The following QKI variants were observed in gnomAD, a reference collection of about 807,000 sequenced individuals.
QKI encodes KH domain-containing RNA-binding protein QKI.
Under a neutral mutation model 39.0 loss-of-function variants are expected in QKI, and 10 were observed. The ratio of observed to expected loss-of-function variants is 0.26; its 90% CI spans 0.16 to 0.43. The LOEUF is 0.43. QKI is among the 20% of genes least tolerant of loss of function. The pLI is 1.00. For synonymous variants in QKI, 204 were observed against 155.4 expected (o/e 1.31, Z -2.33); for missense variants, 218 against 428.0 (o/e 0.51, Z 4.33).
At chr6:163,440,130 A>G (rs893772076) in intron 1 of QKI, among the ~76,000 whole-genome samples, 2 of 152,062 alleles carry the variant, frequency 1.3e-5, no homozygotes, top group Non-Finnish European at 1.5e-5. Flanking sequence ...ATTTCTACTC[A>G]CTGCCCCATC....
At position 163,490,630 on chromosome 6, in the gene QKI, A is replaced by G. The variant is rs1777992110; in HGVS notation, c.402+11734A>G. Among the ~76,000 whole-genome samples, 3 of 152,118 alleles carry G rather than the reference A, an allele frequency of 2.0e-5. 1 individual carries two copies. In the South Asian group the frequency reaches 6.2e-4, roughly 31 times the overall value. On this transcript the variant is annotated intron_variant, in intron 3 of 7. Coordinates refer to ENST00000361752, the MANE Select transcript of QKI (RefSeq NM_006775.3). ...GCACAGTGGAGTGTTGGTATTGGAG[A>G]TAAGGCTGAGGTCTGAGGATAAAGG...
In QKI at chr6:163,441,014, A is replaced by T. The variant is rs569555082; in HGVS notation, c.143-14265A>T. On this transcript the variant is annotated intron_variant, in intron 1 of 7. Coordinates refer to ENST00000361752, the MANE Select transcript of QKI (RefSeq NM_006775.3). ...ATATACTTTGAGTACAGGGTTAATT[A>T]GGACTGTGCAGGCTATGAATATAGG... Among the ~76,000 whole-genome samples the T allele has an allele frequency of 3.3e-5, 5 of 152,284 alleles. No individual in the cohort carries two copies. The South Asian group carries it at 1.0e-3, about 32-fold the overall frequency.
At chr6:163,488,981 T>A (rs1279579022) in intron 3 of QKI, among the ~76,000 whole-genome samples, 2 of 150,682 alleles carry the variant, frequency 1.3e-5, no homozygotes, top group Non-Finnish European at 3.0e-5. Flanking sequence ...TTCTTTTTTT[T>A]TTTTTTTTTA....
At chr6:163,540,690 C>A (rs1441888504) in intron 4 of QKI, among the ~76,000 whole-genome samples, 1 of 152,022 alleles carries the variant, frequency 6.6e-6, no homozygotes, top group African/African-American at 2.4e-5. Flanking sequence ...AATATTTTAC[C>A]TGGAGAACAT....
chr6:163,494,795 CTG>C (rs772873295), intron 3 of QKI, among the ~76,000 whole-genome samples: 2 of 152,106 alleles, frequency 1.3e-5, no homozygotes, highest in East Asian at 1.9e-4. Context: ...AGCAAGAAGA[CTG>C]TGTGTGATGT....
chr6:163,496,447 A>G (rs1778417183), intron 3 of QKI, among the ~76,000 whole-genome samples: 1 of 152,166 alleles, frequency 6.6e-6, no homozygotes, highest in Admixed American at 6.5e-5. Context: ...GCCCCAAGAT[A>G]TGAACCCAGG....
intron 3 of QKI, among the ~76,000 whole-genome samples, chr6:163,498,116 C>A (rs1328922499): frequency 1.3e-5 from 2 of 148,190 alleles, no homozygotes; most frequent in Admixed American, 1.4e-4. Context: ...ATGTTTTTGT[C>A]CTCCAGTAGT....
Position 163,577,615 on chromosome 6 carries a change from G to C in QKI, c.*6905G>C, listed in dbSNP as rs553699337. 6.6e-6 allele frequency: 1 copy of C among 152,652 alleles called. No individual in the cohort carries two copies. Among genetic ancestry groups the C allele is most frequent in the East Asian group, 1.9e-4 (1 of 5,164 alleles). The allele number at this position is 152,652 out of a possible 1,614,324, so 9.5% of individuals were successfully genotyped here. On this transcript the variant is annotated 3_prime_UTR_variant, in exon 8 of 8. Coordinates refer to ENST00000361752, the MANE Select transcript of QKI (RefSeq NM_006775.3). Reference sequence around the variant, plus strand: ...CCTTCCTGTCTCTAGTGTCACACTTGGGCTGTTGATTTTCTTACTCTTCTC... The same window carrying C: ...CCTTCCTGTCTCTAGTGTCACACTTCGGCTGTTGATTTTCTTACTCTTCTC...
At chr6:163,484,856 A>G (rs1019970372) in intron 3 of QKI, among the ~76,000 whole-genome samples, 7 of 152,346 alleles carry the variant, frequency 4.6e-5, no homozygotes, top group East Asian at 3.9e-4. Flanking sequence ...GAGAATTACC[A>G]AAATGTGGCT....
At chr6:163,477,902 G>C (rs566106675) in intron 2 of QKI, among the ~76,000 whole-genome samples, 9 of 152,278 alleles carry the variant, frequency 5.9e-5, no homozygotes, top group African/African-American at 1.9e-4. Context: ...CAAGAAAAAA[G>C]TAGAAGACCA....
intron 3 of QKI, among the ~76,000 whole-genome samples, chr6:163,519,796 T>C (rs1380336881): frequency 2.6e-5 from 4 of 152,108 alleles, no homozygotes; most frequent in Non-Finnish European, 5.9e-5. Context: ...TTAAGCATTA[T>C]AGTTATTTTA....
intron 4 of QKI, among the ~76,000 whole-genome samples, chr6:163,540,313 G>A (rs2128242757): frequency 6.6e-6 from 1 of 152,136 alleles, no homozygotes; most frequent in African/African-American, 2.4e-5. Context: ...TAAGTATTTT[G>A]TGTTTTTCCA....
At chr6:163,451,928 A>G (rs1435894988) in intron 1 of QKI, among the ~76,000 whole-genome samples, 1 of 152,230 alleles carries the variant, frequency 6.6e-6, no homozygotes, top group Non-Finnish European at 1.5e-5. Flanking sequence ...TCCTCCTGCT[A>G]GGATAACATT....
At chr6:163,556,373 G>T (rs930761208) in intron 4 of QKI, among the ~76,000 whole-genome samples, 3 of 151,778 alleles carry the variant, frequency 2.0e-5, no homozygotes, top group Non-Finnish European at 4.4e-5. Context: ...TTAGCTGGGC[G>T]TAGTGACATA....
chr6:163,454,985 G>A (rs2128219138), intron 1 of QKI, among the ~76,000 whole-genome samples: 1 of 152,318 alleles, frequency 6.6e-6, no homozygotes, highest in East Asian at 1.9e-4. Flanking sequence ...GGAAAAATTA[G>A]ATGAACTAAC....
At chr6:163,556,503 C>CAAAAAAAAAAAAAAAAAA (rs61233361) in intron 4 of QKI, among the ~76,000 whole-genome samples, 1 of 83,086 alleles carries the variant, frequency 1.2e-5, no homozygotes, top group Non-Finnish European at 2.5e-5. Context: ...AATTCCACCT[C>CAAAAAAAAAAAAAAAAAA]AAAAAAAAAA....
intron 4 of QKI, among the ~76,000 whole-genome samples, chr6:163,536,130 G>T (rs1228938552): frequency 6.6e-6 from 1 of 151,250 alleles, no homozygotes; most frequent in Admixed American, 6.6e-5. Flanking sequence ...TAATTCCTTG[G>T]AATAAAAGAG....
At chr6:163,569,240 A>T in intron 7 of QKI, 1 of 969,914 alleles carries the variant, frequency 1.0e-6, no homozygotes, top group Non-Finnish European at 1.2e-6. Context: ...CACATTGAAG[A>T]TACAGTATTT....
At chr6:163,483,745 CT>C (rs983120017) in intron 3 of QKI, among the ~76,000 whole-genome samples, 1 of 152,204 alleles carries the variant, frequency 6.6e-6, no homozygotes, top group Non-Finnish European at 1.5e-5. Flanking sequence ...TTGGAATTAA[CT>C]TTTTCCAGAC....
Sources: gnomAD v4.1 joint callset for allele counts (sites outside exome capture counted in the v4.1 genomes callset) on GRCh38, gnomAD v4.1.1 for gene constraint, MANE v1.5 for transcripts, NCBI Gene and HGNC (gene_info 2026-07-23, HGNC 2026-07-21) for gene names.